SLC16A7: variants seen among roughly 807,000 people sequenced by gnomAD.
SLC16A7 encodes the protein solute carrier family 16 member 7.
Under a neutral mutation model 34.9 loss-of-function variants are expected in SLC16A7, and 33 were observed. The ratio of observed to expected loss-of-function variants is 0.94; its 90% CI spans 0.72 to 1.26. The LOEUF is 1.26. Ranked by LOEUF, SLC16A7 falls within the 50% of genes most tolerant of loss-of-function variation. The probability of loss-of-function intolerance (pLI) is 0.00; values close to 1 mark genes in which losing one functional copy is unlikely to be tolerated. For missense variants in SLC16A7, 573 were observed against 578.1 expected, an observed-to-expected ratio of 0.99 and a Z score of 0.09; for synonymous variants, 201 against 206.6, an observed-to-expected ratio of 0.97 and a Z score of 0.23.
At chr12:59,704,435 G>C (rs1234439339) in intron 2 of SLC16A7, among the ~76,000 whole-genome samples, 1 of 152,010 alleles carries the variant, frequency 6.6e-6, no homozygotes, top group East Asian at 1.9e-4. Flanking sequence ...GATTGAAGTA[G>C]AATATGTATC....
chr12:59,608,678 A>C (rs1459926792), intron 1 of SLC16A7, among the ~76,000 whole-genome samples: 1 of 152,208 alleles, frequency 6.6e-6, no homozygotes, highest in African/African-American at 2.4e-5. Flanking sequence ...TTTTACCATT[A>C]AATTTCTAAG....
chr12:59,741,743 T>C (rs1442312200), intron 3 of SLC16A7, among the ~76,000 whole-genome samples: 1 of 152,180 alleles, frequency 6.6e-6, no homozygotes, highest in African/African-American at 2.4e-5. Flanking sequence ...TTAGTTGATT[T>C]ACAGCTTATT....
chr12:59,783,362 A>G lies in SLC16A7; in HGVS notation c.*3683A>G, dbSNP rs1441157041. On this transcript the variant is annotated 3_prime_UTR_variant, in exon 6 of 6. Transcript: ENST00000547379. ...AATTATTACTAGCTTGATATGACAG[A>G]TGAGTGAAAACAAAAAACAAGCTCA... 2.0e-5 allele frequency: 3 copies of G among 152,166 alleles called. No homozygotes were observed. The highest frequency in any genetic ancestry group is 1.3e-4 in the Admixed American group (2 of 15,270). The allele number at this position is 152,166 out of a possible 1,614,324, so 9.4% of individuals were successfully genotyped here. A position where few individuals can be genotyped will look rare whatever the true frequency, so the allele number is the denominator to read the frequency against.
intron 1 of SLC16A7, among the ~76,000 whole-genome samples, chr12:59,629,394 A>G (rs140976062): frequency 6.6e-6 from 1 of 152,092 alleles, no homozygotes; most frequent in African/African-American, 2.4e-5. Context: ...AAATAATTAT[A>G]ATAAAATCTT....
chr12:59,661,397 G>A (rs995673136), intron 2 of SLC16A7, among the ~76,000 whole-genome samples: 6 of 152,092 alleles, frequency 3.9e-5, no homozygotes, highest in African/African-American at 1.4e-4. Context: ...TGCTGACTCT[G>A]AGACTTTGAG....
At chr12:59,647,046 A>T (rs1246543826) in intron 1 of SLC16A7, among the ~76,000 whole-genome samples, 1 of 152,126 alleles carries the variant, frequency 6.6e-6, no homozygotes, top group Non-Finnish European at 1.5e-5. Context: ...GACAGAAGGG[A>T]CTTCCCTTGT....
chr12:59,635,857 T>C (rs1016216727), intron 1 of SLC16A7, among the ~76,000 whole-genome samples: 2 of 152,150 alleles, frequency 1.3e-5, no homozygotes, highest in Middle Eastern at 6.8e-3. Flanking sequence ...TTCTCGGTTC[T>C]TTATGTATGT....
chr12:59,767,253 A>T (rs1881754972), intron 3 of SLC16A7, among the ~76,000 whole-genome samples: 1 of 151,842 alleles, frequency 6.6e-6, no homozygotes, highest in Non-Finnish European at 1.5e-5. Flanking sequence ...GTGAAAGGTG[A>T]AGCAAGAAAT....
chr12:59,682,443 A>G (rs1188029188), intron 2 of SLC16A7, among the ~76,000 whole-genome samples: 4 of 152,182 alleles, frequency 2.6e-5, no homozygotes, highest in Non-Finnish European at 4.4e-5. Flanking sequence ...TAGACGCTAT[A>G]GTGAATATAA....
At chr12:59,658,304 A>G (rs962109230) in intron 2 of SLC16A7, among the ~76,000 whole-genome samples, 1 of 152,048 alleles carries the variant, frequency 6.6e-6, no homozygotes, top group African/African-American at 2.4e-5. Context: ...ATTTACCTGG[A>G]CAAAGCTAAA....
At chr12:59,746,872 T>C (rs1878952540) in intron 3 of SLC16A7, among the ~76,000 whole-genome samples, 1 of 152,208 alleles carries the variant, frequency 6.6e-6, no homozygotes, top group South Asian at 2.1e-4. Flanking sequence ...TCTCACTCTG[T>C]CATGCAGGCT....
At chr12:59,642,422 A>G (rs1395457657) in intron 1 of SLC16A7, among the ~76,000 whole-genome samples, 2 of 151,976 alleles carry the variant, frequency 1.3e-5, no homozygotes, top group Non-Finnish European at 2.9e-5. Context: ...TTTCATAATT[A>G]TGTTTCTTCA....
chr12:59,741,635 T>C (rs916680209), intron 3 of SLC16A7, among the ~76,000 whole-genome samples: 1 of 152,234 alleles, frequency 6.6e-6, no homozygotes, highest in African/African-American at 2.4e-5. Flanking sequence ...TTTAGAGTTC[T>C]TTCAAGAAGC....
intron 1 of SLC16A7, among the ~76,000 whole-genome samples, chr12:59,627,313 A>G (rs996885226): frequency 2.6e-5 from 4 of 151,944 alleles, no homozygotes; most frequent in African/African-American, 7.2e-5. Context: ...GAATTATTTC[A>G]TAAGTACATA....
At chr12:59,744,549 C>T (rs1426228022) in intron 3 of SLC16A7, among the ~76,000 whole-genome samples, 1 of 152,136 alleles carries the variant, frequency 6.6e-6, no homozygotes, top group Non-Finnish European at 1.5e-5. Context: ...CCTGATTTTT[C>T]CTGGATGCTA....
intron 1 of SLC16A7, among the ~76,000 whole-genome samples, chr12:59,612,597 GTTTTC>G (rs1265993030): frequency 6.6e-6 from 1 of 152,178 alleles, no homozygotes; most frequent in Non-Finnish European, 1.5e-5. Flanking sequence ...AGAAAATGGA[GTTTTC>G]TTTTCTATCA....
At chr12:59,704,077 C>T (rs1309418507) in intron 2 of SLC16A7, among the ~76,000 whole-genome samples, 1 of 150,674 alleles carries the variant, frequency 6.6e-6, no homozygotes, top group African/African-American at 2.4e-5. Flanking sequence ...TGGCGCCTGC[C>T]TGTAATCCCA....
intron 2 of SLC16A7, among the ~76,000 whole-genome samples, chr12:59,662,155 A>C (rs1334090042): frequency 1.3e-5 from 2 of 152,078 alleles, no homozygotes; most frequent in Non-Finnish European, 2.9e-5. Context: ...TCTGTTCTTT[A>C]GAATTTCTTG....
At chr12:59,634,033 C>T (rs937679772) in intron 1 of SLC16A7, among the ~76,000 whole-genome samples, 2 of 152,094 alleles carry the variant, frequency 1.3e-5, no homozygotes, top group African/African-American at 4.8e-5. Flanking sequence ...CTGATGATTA[C>T]TAACATTATC....
Sources: allele counts gnomAD v4.1 joint callset (sites outside exome capture counted in the v4.1 genomes callset), GRCh38; gene constraint gnomAD v4.1.1; transcripts MANE v1.5; gene names NCBI Gene and HGNC (gene_info 2026-07-23, HGNC 2026-07-21).